Variants in NBR1 observed in about 807,000 individuals in gnomAD.
NBR1 encodes the protein NBR1 autophagy cargo receptor, also known as next to BRCA1 gene 1 protein.
Under a neutral mutation model 115.5 loss-of-function variants are expected in NBR1, and 59 were observed. The observed-to-expected ratio is 0.51, with a 90% confidence interval of 0.41 to 0.63. The LOEUF is 0.63. Among genes scored for constraint, NBR1 ranks in the 30% least tolerant of loss-of-function variants. The probability of loss-of-function intolerance (pLI) is 0.00; values close to 1 mark genes in which losing one functional copy is unlikely to be tolerated. For missense variants in NBR1, 1,043 were observed against 1,150.5 expected, an observed-to-expected ratio of 0.91 and a Z score of 1.35; for synonymous variants, 373 against 414.7, an observed-to-expected ratio of 0.90 and a Z score of 1.22.
intron 20 of NBR1, 159 bp from the exon 21 acceptor site, chr17:43,209,742 A>C (rs557173048): frequency 2.6e-6 from 4 of 1,519,458 alleles, no homozygotes; most frequent in Middle Eastern, 1.7e-4. Flanking sequence ...CGTTGGTATC[A>C]AGTACACAGG....
chr17:43,202,189 A>AAC (rs2057216442), intron 18 of NBR1, among the ~76,000 whole-genome samples: 7 of 150,460 alleles, frequency 4.7e-5, no homozygotes, highest in Middle Eastern at 3.5e-3. Flanking sequence ...GAAAAAAAAA[A>AAC]AAAAAAAACT....
chr17:43,183,966 C>A (rs545406926), intron 5 of NBR1, among the ~76,000 whole-genome samples: 221 of 152,048 alleles, frequency 1.5e-3, no homozygotes, highest in Middle Eastern at 6.8e-3. Context: ...AGCTACCACA[C>A]CTGGCTAGTT....
intron 13 of NBR1, 169 bp downstream of exon 13, chr17:43,194,668 A>T: frequency 1.3e-6 from 1 of 774,446 alleles, no homozygotes; most frequent in East Asian, 2.5e-5. Context: ...TGTAAACTAG[A>T]TGTTTCCTCT....
At chr17:43,190,322 A>C (rs1037400248) in intron 8 of NBR1, 6 of 409,328 alleles carry the variant, frequency 1.5e-5, no homozygotes, top group African/African-American at 1.2e-4. Context: ...CCTCTTCTCC[A>C]TGGCCTCCCA....
Position 43,210,218 on chromosome 17 carries a change from C to A in NBR1, c.*144C>A. ...CGTTGAGTTACCAAGACAATACCTG[C>A]TACAGTATTTTGGGGAGCAAACTAA... On this transcript the variant is annotated 3_prime_UTR_variant, in exon 21 of 21. Coordinates refer to ENST00000590996, the MANE Select transcript of NBR1 (RefSeq NM_005899.5). The A allele has an allele frequency of 1.5e-6, 1 of 659,742 alleles. No homozygotes were observed. The highest frequency in any genetic ancestry group is 2.2e-6 in the Non-Finnish European group (1 of 446,384). The allele number at this position is 659,742 out of a possible 1,614,324, so 40.9% of individuals were successfully genotyped here.
intron 13 of NBR1, chr17:43,194,723 A>C: frequency 1.6e-6 from 1 of 627,910 alleles, no homozygotes; most frequent in South Asian, 2.1e-5. Flanking sequence ...AACTCCCTTT[A>C]GTTGCCTCTT....
intron 1 of NBR1, among the ~76,000 whole-genome samples, chr17:43,171,541 G>T (rs964329281): frequency 1.3e-5 from 2 of 152,172 alleles, no homozygotes; most frequent in African/African-American, 4.8e-5. Flanking sequence ...CTGATGGAAG[G>T]CCACGACTCC....
At chr17:43,207,261 C>T (rs2057335747) in intron 20 of NBR1, among the ~76,000 whole-genome samples, 2 of 152,284 alleles carry the variant, frequency 1.3e-5, no homozygotes, top group South Asian at 2.1e-4. Context: ...GGCTCCAGGA[C>T]CCCCTGTGGG....
intron 16 of NBR1, among the ~76,000 whole-genome samples, chr17:43,198,092 C>T (rs1020780600): frequency 2.0e-5 from 3 of 151,350 alleles, no homozygotes; most frequent in Admixed American, 6.6e-5. Flanking sequence ...CACTTTAACC[C>T]GGGAGGCGAA....
At chr17:43,190,396 C>T (rs1597988240) in intron 8 of NBR1, 3 of 551,336 alleles carry the variant, frequency 5.4e-6, no homozygotes, top group Non-Finnish European at 9.9e-6. Flanking sequence ...ATCTTACCTT[C>T]CTCCCATAGA....
chr17:43,195,287 G>A, intron 14 of NBR1: 1 of 469,868 alleles, frequency 2.1e-6, no homozygotes, highest in Non-Finnish European at 3.8e-6. Context: ...AGGATCACTT[G>A]AGGCCAGGGT....
chr17:43,184,891 C>T (rs2056762632), intron 5 of NBR1, among the ~76,000 whole-genome samples: 1 of 151,410 alleles, frequency 6.6e-6, no homozygotes. Context: ...GAGATTGAGA[C>T]CATCTTGGCT....
intron 11 of NBR1, 30 bp from the exon 12 acceptor site, chr17:43,193,318 C>G (rs991408333): frequency 1.2e-6 from 2 of 1,612,274 alleles, no homozygotes; most frequent in Non-Finnish European, 1.7e-6. Flanking sequence ...AGCTGACAAG[C>G]TTGCTTTCTC....
In NBR1 at chr17:43,196,964, G is replaced by C. The variant is rs555582587; in HGVS notation, c.1884G>C (p.Arg628Ser). The C allele has an allele frequency of 6.2e-7, 1 of 1,614,040 alleles. No individual in the cohort carries two copies. ...ALPDSMVSVKRKAENIASVEE... is the reference protein window; with the variant it reads ...ALPDSMVSVKSKAENIASVEE... ...CAGATTCTATGGTGTCAGTAAAGAG[G>C]AAGGCTGAGAACATTGCTTCTGTGG... The change falls in exon 16 of 21, where the codon AGG (arginine) becomes AGC (serine). Residue 628 changes from arginine (R) to serine (S), a missense_variant. By Grantham distance (110) the Arg-to-Ser change is moderately radical (BLOSUM62 -1). Coordinates refer to ENST00000590996, the MANE Select transcript of NBR1 (RefSeq NM_005899.5).
At chr17:43,204,487 T>C (rs2154582419) in intron 20 of NBR1, among the ~76,000 whole-genome samples, 1 of 150,846 alleles carries the variant, frequency 6.6e-6, no homozygotes, top group East Asian at 2.0e-4. Context: ...CTGGGCAACA[T>C]AGTGAGACCC....
At chr17:43,209,675 TCTC>T in intron 20 of NBR1, 1 of 1,535,522 alleles carries the variant, frequency 6.5e-7, no homozygotes, top group Non-Finnish European at 8.7e-7. Context: ...GTTTCCCTTT[TCTC>T]CTCCTTCAAG....
intron 8 of NBR1, chr17:43,190,085 C>G (rs2154582168): frequency 2.7e-6 from 1 of 368,288 alleles, no homozygotes; most frequent in Non-Finnish European, 4.9e-6. Flanking sequence ...CTCGGTTGTT[C>G]CAAATGCCTT....
chr17:43,196,841 T>C (rs376824735), intron 15 of NBR1, 101 bp from the exon 16 acceptor site: 13 of 1,317,244 alleles, frequency 9.9e-6, no homozygotes, highest in East Asian at 2.3e-5. Flanking sequence ...AAAGTTTAGA[T>C]AGCAGCTATT....
chr17:43,177,251 C>T (rs1051329349), intron 2 of NBR1, among the ~76,000 whole-genome samples: 2 of 135,100 alleles, frequency 1.5e-5, no homozygotes, highest in Non-Finnish European at 3.1e-5. Context: ...CCAGCCTGAG[C>T]GACAGAGTGA....
Sources: gnomAD v4.1 joint callset for allele counts (sites outside exome capture counted in the v4.1 genomes callset) on GRCh38, gnomAD v4.1.1 for gene constraint, MANE v1.5 for transcripts, NCBI Gene and HGNC (gene_info 2026-07-23, HGNC 2026-07-21) for gene names.